Variants in ACYP2 observed in about 807,000 individuals in gnomAD.
ACYP2 encodes acylphosphatase-2.
A neutral mutation model predicts 11.2 loss-of-function variants in ACYP2; 12 were observed. That is an observed-to-expected ratio of 1.08 (90% CI 0.69 to 1.74). The LOEUF is 1.74. ACYP2 is among the 40% of genes most tolerant of loss of function. ACYP2 has a pLI of 0.00. For synonymous variants in ACYP2, 43 were observed against 32.2 expected (o/e 1.33, Z -1.13); for missense variants, 134 against 101.9 (o/e 1.31, Z -1.35).
chr2:54,114,056 C>T (rs902222742), intron 4 of ACYP2, among the ~76,000 whole-genome samples: 26 of 151,948 alleles, frequency 1.7e-4, no homozygotes, highest in Admixed American at 1.7e-3. Flanking sequence ...TAACCATATT[C>T]TAACCAAGTT....
intron 2 of ACYP2, among the ~76,000 whole-genome samples, chr2:53,990,388 C>G (rs752704306): frequency 6.6e-6 from 1 of 152,000 alleles, no homozygotes; most frequent in African/African-American, 2.4e-5. Flanking sequence ...GTGGCTCATG[C>G]CTGTAATCCC....
chr2:54,102,710 G>C (rs1288915463), intron 4 of ACYP2, among the ~76,000 whole-genome samples: 3 of 137,016 alleles, frequency 2.2e-5, no homozygotes, highest in African/African-American at 8.3e-5. Flanking sequence ...AAGTCTAGTT[G>C]AGAGTTCTTC....
chr2:54,225,010 G>A (rs185550565), intron 6 of ACYP2, among the ~76,000 whole-genome samples: 130 of 152,316 alleles, frequency 8.5e-4, no homozygotes, highest in Admixed American at 8.4e-3. Flanking sequence ...CAAATCCTGA[G>A]CAGTTGCAAG....
intron 4 of ACYP2, among the ~76,000 whole-genome samples, chr2:54,096,238 C>T (rs1284584402): frequency 1.6e-4 from 23 of 144,632 alleles, no homozygotes; most frequent in African/African-American, 5.8e-4. Flanking sequence ...CCAGACGGGG[C>T]GGCGGAGCAG....
chr2:53,974,157 G>C (rs938759425), intron 2 of ACYP2, among the ~76,000 whole-genome samples: 3 of 151,380 alleles, frequency 2.0e-5, no homozygotes, highest in African/African-American at 7.3e-5. Context: ...CTCGTGATCC[G>C]CCCGCCTTGG....
intron 6 of ACYP2, among the ~76,000 whole-genome samples, chr2:54,298,633 TG>T (rs1433540942): frequency 1.3e-5 from 2 of 152,234 alleles, no homozygotes; most frequent in Admixed American, 1.3e-4. Context: ...CTCAGGCTAC[TG>T]GAAGTGGGCA....
At chr2:54,088,349 T>C (rs1248126193) in intron 4 of ACYP2, among the ~76,000 whole-genome samples, 1 of 152,012 alleles carries the variant, frequency 6.6e-6, no homozygotes, top group African/African-American at 2.4e-5. Flanking sequence ...GCAAGCTGGA[T>C]TACTGTGAAA....
intron 2 of ACYP2, among the ~76,000 whole-genome samples, chr2:53,993,866 A>G (rs1406547142): frequency 6.6e-6 from 1 of 151,900 alleles, no homozygotes; most frequent in Admixed American, 6.6e-5. Flanking sequence ...TAAGGAAGAA[A>G]ATAATTTGGG....
intron 6 of ACYP2, among the ~76,000 whole-genome samples, chr2:54,195,958 C>A (rs1460972213): frequency 4.0e-5 from 6 of 151,826 alleles, no homozygotes; most frequent in Admixed American, 3.9e-4. Context: ...CCACCACACT[C>A]AGCTAATTTT....
chr2:54,200,928 CTTTT>C (rs1316265423), intron 6 of ACYP2, among the ~76,000 whole-genome samples: 1 of 152,036 alleles, frequency 6.6e-6, no homozygotes, highest in African/African-American at 2.4e-5. Flanking sequence ...GTTATTTTGT[CTTTT>C]TTATTATAAC....
intron 6 of ACYP2, among the ~76,000 whole-genome samples, chr2:54,174,788 G>C (rs562254917): frequency 6.6e-6 from 1 of 152,212 alleles, no homozygotes; most frequent in Admixed American, 6.5e-5. Flanking sequence ...ATAATCATGT[G>C]GTTTTTGTCT....
chr2:54,022,205 C>T (rs1341912602), intron 2 of ACYP2, among the ~76,000 whole-genome samples: 1 of 151,812 alleles, frequency 6.6e-6, no homozygotes, highest in Non-Finnish European at 1.5e-5. Flanking sequence ...TCCCTCCTTC[C>T]TTTTTTCTTT....
At chr2:54,217,587 G>A (rs1685611985) in intron 6 of ACYP2, among the ~76,000 whole-genome samples, 1 of 151,944 alleles carries the variant, frequency 6.6e-6, no homozygotes. Context: ...TGCCCAGGTT[G>A]GTCTTGAATT....
intron 6 of ACYP2, among the ~76,000 whole-genome samples, chr2:54,150,842 T>C (rs949878467): frequency 4.0e-5 from 6 of 149,202 alleles, no homozygotes; most frequent in Non-Finnish European, 7.4e-5. Flanking sequence ...CCCGGGTTCA[T>C]ACCATTCTCC....
At chr2:54,009,965 A>C (rs963666642) in intron 2 of ACYP2, among the ~76,000 whole-genome samples, 1 of 152,166 alleles carries the variant, frequency 6.6e-6, no homozygotes, top group African/African-American at 2.4e-5. Context: ...AGGCAGTTTG[A>C]CCCTAAAATC....
chr2:54,233,259 A>G (rs1686322150), intron 6 of ACYP2, among the ~76,000 whole-genome samples: 1 of 151,650 alleles, frequency 6.6e-6, no homozygotes, highest in Non-Finnish European at 1.5e-5. Flanking sequence ...CTGTGAAACT[A>G]TCACCATAAT....
At chr2:54,217,614 C>T (rs1393859883) in intron 6 of ACYP2, among the ~76,000 whole-genome samples, 1 of 152,072 alleles carries the variant, frequency 6.6e-6, no homozygotes, top group Non-Finnish European at 1.5e-5. Context: ...CTCAAGCGAT[C>T]CCCCTGCCTC....
At chr2:53,995,776 A>G (rs1224503471) in intron 2 of ACYP2, among the ~76,000 whole-genome samples, 1 of 152,096 alleles carries the variant, frequency 6.6e-6, no homozygotes, top group Non-Finnish European at 1.5e-5. Context: ...TTTTTTACTT[A>G]TGTAAATTTT....
chr2:54,102,014 T>G (rs937898270), intron 4 of ACYP2, among the ~76,000 whole-genome samples: 1 of 152,244 alleles, frequency 6.6e-6, no homozygotes, highest in African/African-American at 2.4e-5. Flanking sequence ...TAATGTCATG[T>G]ATTCACCATT....
Sources: allele counts gnomAD v4.1 joint callset (sites outside exome capture counted in the v4.1 genomes callset), GRCh38; gene constraint gnomAD v4.1.1; transcripts MANE v1.5; gene names NCBI Gene and HGNC (gene_info 2026-07-23, HGNC 2026-07-21).